Variants in STPG2 observed in about 807,000 individuals in gnomAD.
The protein encoded by STPG2 is sperm tail PG-rich repeat containing 2.
STPG2 carries 56 observed loss-of-function variants against 54.2 expected under a neutral mutation model. That is an observed-to-expected ratio of 1.03 (90% CI 0.83 to 1.29). STPG2 has a LOEUF of 1.29. Ranked by LOEUF, STPG2 falls within the 50% of genes most tolerant of loss-of-function variation. The pLI is 0.00. For missense variants in STPG2, 596 were observed against 544.9 expected (o/e 1.09, Z -0.93); for synonymous variants, 200 against 181.8 (o/e 1.10, Z -0.81).
chr4:97,602,826 T>G (rs1733498749), intron 10 of STPG2, among the ~76,000 whole-genome samples: 2 of 151,718 alleles, frequency 1.3e-5, no homozygotes, highest in African/African-American at 2.4e-5. Context: ...TTGAGAGAAG[T>G]TAAAGTGCAC....
chr4:97,501,906 CA>C (rs1730733560), intron 4 of STPG2, among the ~76,000 whole-genome samples: 1 of 151,536 alleles, frequency 6.6e-6, no homozygotes, highest in Non-Finnish European at 1.5e-5. Context: ...TAAGATTTCA[CA>C]ACTAAGAAAA....
chr4:97,489,331 G>A (rs562207899), intron 4 of STPG2, among the ~76,000 whole-genome samples: 8 of 151,808 alleles, frequency 5.3e-5, no homozygotes, highest in African/African-American at 1.9e-4. Context: ...CAGATAAATC[G>A]ATACTAGTAG....
intron 4 of STPG2, among the ~76,000 whole-genome samples, chr4:97,518,669 G>A (rs1268757578): frequency 6.6e-6 from 1 of 152,016 alleles, no homozygotes; most frequent in East Asian, 1.9e-4. Context: ...ATTGGCTATT[G>A]ACAATAAAGT....
At chr4:97,753,702 T>C (rs1415335540) in intron 9 of STPG2, among the ~76,000 whole-genome samples, 1 of 152,014 alleles carries the variant, frequency 6.6e-6, no homozygotes, top group Non-Finnish European at 1.5e-5. Context: ...ATTTTTTGTA[T>C]TATAGCCAAC....
At chr4:97,674,701 A>G (rs954773225) in intron 10 of STPG2, among the ~76,000 whole-genome samples, 4 of 152,226 alleles carry the variant, frequency 2.6e-5, no homozygotes, top group African/African-American at 9.6e-5. Flanking sequence ...ATTGCTATTG[A>G]TGACATTATT....
intron 5 of STPG2, among the ~76,000 whole-genome samples, chr4:98,004,540 T>G (rs984364052): frequency 1.2e-4 from 18 of 152,158 alleles, no homozygotes; most frequent in Middle Eastern, 3.2e-3. Flanking sequence ...GTAGTTCGAT[T>G]TTTATATTTT....
rs190753732 is a variant in STPG2, at chr4:97,688,516, G to A, written c.1320+24183C>T. 5.9e-5 allele frequency among the ~76,000 whole-genome samples: 9 copies of A among 152,122 alleles called. No individual in the cohort carries two copies. In the East Asian group the frequency reaches 9.7e-4, roughly 16 times the overall value. On this transcript the variant is annotated intron_variant, in intron 10 of 10. Coordinates refer to ENST00000295268, the MANE Select transcript of STPG2 (RefSeq NM_174952.3). The stretch of plus-strand genomic sequence containing the variant: ...CAAGTAGCTGGGACTACAGGCACCC[G>A]CCACCATGCCCAGCTAATTTTTTTG...
intron 5 of STPG2, among the ~76,000 whole-genome samples, chr4:97,983,983 C>T (rs1359840703): frequency 2.6e-5 from 4 of 152,138 alleles, no homozygotes; most frequent in African/African-American, 9.7e-5. Context: ...GGTCCTCTTT[C>T]ACCTCCTCCA....
intron 10 of STPG2, among the ~76,000 whole-genome samples, chr4:97,608,877 C>G (rs543494203): frequency 2.9e-4 from 44 of 152,144 alleles, no homozygotes; most frequent in Middle Eastern, 3.4e-3. Context: ...GCATGTCGCT[C>G]TCATGAATTT....
intron 4 of STPG2, among the ~76,000 whole-genome samples, chr4:97,457,874 C>T (rs909554433): frequency 2.0e-5 from 3 of 152,140 alleles, no homozygotes; most frequent in African/African-American, 7.2e-5. Context: ...AATTTAATGG[C>T]TTAAATAACC....
intron 8 of STPG2, among the ~76,000 whole-genome samples, chr4:97,938,916 CTCCTTT>C (rs906734587): frequency 5.3e-5 from 8 of 151,948 alleles, no homozygotes; most frequent in African/African-American, 1.9e-4. Flanking sequence ...GGGTCTGCCC[CTCCTTT>C]TCAACTTTTT....
intron 10 of STPG2, among the ~76,000 whole-genome samples, chr4:97,563,547 A>G (rs1732324500): frequency 6.6e-6 from 1 of 151,954 alleles, no homozygotes; most frequent in East Asian, 1.9e-4. Flanking sequence ...TCAATTTTGG[A>G]TCTTTCCTGC....
intron 5 of STPG2, among the ~76,000 whole-genome samples, chr4:98,074,341 T>C (rs1738091445): frequency 6.6e-6 from 1 of 152,200 alleles, no homozygotes; most frequent in Non-Finnish European, 1.5e-5. Context: ...TTTTCTCCAA[T>C]CATTTTTAAG....
intron 8 of STPG2, among the ~76,000 whole-genome samples, chr4:97,858,821 C>A (rs972127698): frequency 2.0e-5 from 3 of 152,124 alleles, no homozygotes; most frequent in Non-Finnish European, 4.4e-5. Flanking sequence ...AAAGCTGATA[C>A]CATATTTTTG....
intron 9 of STPG2, among the ~76,000 whole-genome samples, chr4:97,804,146 T>A (rs1291751313): frequency 6.6e-6 from 1 of 152,228 alleles, no homozygotes; most frequent in African/African-American, 2.4e-5. Flanking sequence ...TAGTTTCCAA[T>A]TAATTCTCAT....
At chr4:97,583,258 T>C (rs1213743157) in intron 10 of STPG2, among the ~76,000 whole-genome samples, 1 of 151,916 alleles carries the variant, frequency 6.6e-6, no homozygotes, top group Non-Finnish European at 1.5e-5. Context: ...ATTTCTAAAG[T>C]AGCAATGGAA....
chr4:97,616,197 T>C (rs112146903), intron 10 of STPG2, among the ~76,000 whole-genome samples: 1,852 of 149,400 alleles, frequency 0.012, 33 homozygotes, highest in African/African-American at 0.043. Context: ...TAGAGAAATA[T>C]GAAGGTTCCT....
chr4:97,536,736 T>A (rs1731541045), intron 4 of STPG2, among the ~76,000 whole-genome samples: 1 of 152,212 alleles, frequency 6.6e-6, no homozygotes, highest in East Asian at 1.9e-4. Context: ...TGTGGATGAA[T>A]CAAAGGACCT....
chr4:97,445,083 A>T (rs935161224), intron 4 of STPG2, among the ~76,000 whole-genome samples: 1 of 152,218 alleles, frequency 6.6e-6, no homozygotes, highest in Non-Finnish European at 1.5e-5. Context: ...TCTATTGTGG[A>T]GTCAACAGAT....
Sources: allele counts gnomAD v4.1 joint callset (sites outside exome capture counted in the v4.1 genomes callset), GRCh38; gene constraint gnomAD v4.1.1; transcripts MANE v1.5; gene names NCBI Gene and HGNC (gene_info 2026-07-23, HGNC 2026-07-21).